PI4K2A: variants seen among roughly 807,000 people sequenced by gnomAD.
PI4K2A encodes phosphatidylinositol 4-kinase type 2 alpha.
PI4K2A carries 20 observed loss-of-function variants against 55.0 expected under a neutral mutation model. The observed-to-expected ratio is 0.36, with a 90% CI of 0.26 to 0.53. PI4K2A has a LOEUF of 0.53. Among genes scored for constraint, PI4K2A ranks in the 20% least tolerant of loss-of-function variants. The pLI is 0.91. For missense variants in PI4K2A, 463 were observed against 637.1 expected (o/e 0.73, Z 2.94); for synonymous variants, 235 against 258.5 (o/e 0.91, Z 0.87).
chr10:97,673,502 C>T, intron 8 of PI4K2A, 79 bp from the exon 9 acceptor site: 2 of 1,183,048 alleles, frequency 1.7e-6, no homozygotes, highest in Non-Finnish European at 2.4e-6. Context: ...TGTAGGCGTC[C>T]TCTCTACTGA....
At chr10:97,650,794 T>C (rs1012175242) in intron 1 of PI4K2A, 147 bp from the exon 2 acceptor site, 2 of 630,208 alleles carry the variant, frequency 3.2e-6, no homozygotes, top group East Asian at 5.4e-5. Flanking sequence ...GTCTTCCCCT[T>C]ACCAACTGGG....
chr10:97,653,916 CAA>C (rs112944042), intron 2 of PI4K2A, among the ~76,000 whole-genome samples: 1 of 147,566 alleles, frequency 6.8e-6, no homozygotes. Context: ...GACTCCGTCT[CAA>C]AAAAAAAAAA....
At chr10:97,665,741 C>G (rs556497649) in intron 6 of PI4K2A, among the ~76,000 whole-genome samples, 73 of 151,958 alleles carry the variant, frequency 4.8e-4, no homozygotes, top group African/African-American at 1.6e-3. Context: ...TACAGGCACC[C>G]GCCACCATGC....
chr10:97,658,573 A>G (rs1175476535), intron 4 of PI4K2A, among the ~76,000 whole-genome samples: 1 of 152,204 alleles, frequency 6.6e-6, no homozygotes, highest in African/African-American at 2.4e-5. Context: ...TTATTGGATC[A>G]TATATGGTAA....
intron 8 of PI4K2A, among the ~76,000 whole-genome samples, chr10:97,668,761 C>T (rs552056918): frequency 1.3e-5 from 2 of 152,242 alleles, no homozygotes; most frequent in South Asian, 2.1e-4. Flanking sequence ...ATCTTCTCAG[C>T]CTTAATTCTG....
At chr10:97,649,313 G>C (rs2041519149) in intron 1 of PI4K2A, among the ~76,000 whole-genome samples, 1 of 152,182 alleles carries the variant, frequency 6.6e-6, no homozygotes, top group South Asian at 2.1e-4. Flanking sequence ...CAACCTCAGA[G>C]GGCTGACTGG....
chr10:97,640,789 C>T (rs1231958652), exon 1 of PI4K2A: 2 of 1,490,440 alleles, frequency 1.3e-6, no homozygotes, highest in Non-Finnish European at 1.8e-6. Flanking sequence ...GCCCAACCCC[C>T]GGACTACACC....
chr10:97,653,654 C>T (rs1349848581), intron 2 of PI4K2A, among the ~76,000 whole-genome samples: 4 of 152,222 alleles, frequency 2.6e-5, no homozygotes, highest in Admixed American at 1.3e-4. Flanking sequence ...CATTGGCTCA[C>T]GCCTGTAATC....
At chr10:97,645,041 C>T (rs943047032) in intron 1 of PI4K2A, among the ~76,000 whole-genome samples, 5 of 152,120 alleles carry the variant, frequency 3.3e-5, no homozygotes, top group African/African-American at 9.7e-5. Flanking sequence ...CCCTCACTTA[C>T]CTCCTTGTGC....
chr10:97,673,842 C>A (rs1002078629), exon 9 of PI4K2A: 67 of 1,067,536 alleles, frequency 6.3e-5, no homozygotes, highest in Non-Finnish European at 9.0e-5. Flanking sequence ...AGAGCAGCAC[C>A]TTTAAGAGCC....
chr10:97,642,584 A>G (rs975980171), intron 1 of PI4K2A, among the ~76,000 whole-genome samples: 1 of 151,754 alleles, frequency 6.6e-6, no homozygotes, highest in South Asian at 2.1e-4. Flanking sequence ...TATTTTTAGT[A>G]GAGACCATGT....
chr10:97,663,857 C>G (rs1322322551), intron 5 of PI4K2A, among the ~76,000 whole-genome samples: 1 of 148,618 alleles, frequency 6.7e-6, no homozygotes, highest in East Asian at 2.0e-4. Flanking sequence ...GAGACAGGGT[C>G]TTGCTCTGTT....
chr10:97,643,053 G>C (rs1453334673), intron 1 of PI4K2A, among the ~76,000 whole-genome samples: 1 of 151,162 alleles, frequency 6.6e-6, no homozygotes, highest in Non-Finnish European at 1.5e-5. Context: ...CAGTGGTGCA[G>C]TCTCACTGCT....
chr10:97,657,022 G>C (rs1182251258), intron 4 of PI4K2A, 48 bp downstream of exon 4: 1 of 1,598,222 alleles, frequency 6.3e-7, no homozygotes, highest in Admixed American at 1.7e-5. Flanking sequence ...CTGTGTTGAG[G>C]CATGGGGAGG....
intron 1 of PI4K2A, among the ~76,000 whole-genome samples, chr10:97,644,148 C>T (rs1223971461): frequency 2.0e-5 from 3 of 152,086 alleles, no homozygotes; most frequent in Admixed American, 6.6e-5. Flanking sequence ...GTCAGGAGTT[C>T]GAGACCAGCC....
At chr10:97,653,375 A>T (rs2041538342) in intron 2 of PI4K2A, among the ~76,000 whole-genome samples, 1 of 152,230 alleles carries the variant, frequency 6.6e-6, no homozygotes, top group Non-Finnish European at 1.5e-5. Flanking sequence ...GGATATAAAT[A>T]GTTCCTACTT....
rs894417911 is a variant in PI4K2A, at chr10:97,664,470, C to T, written c.985-415C>T. The stretch of plus-strand genomic sequence containing the variant: ...TCTCACTGGAAAATGTAGTTGTCAC[C>T]AGTGAAGTAACATCTGAGTCAAGGT... On this transcript the variant is annotated intron_variant, in intron 5 of 8. Transcript: ENST00000370631. Among the ~76,000 whole-genome samples the T allele has an allele frequency of 3.3e-5, 5 of 152,326 alleles. 1 individual carries two copies. The South Asian group carries it at 1.0e-3, about 32-fold the overall frequency.
At chr10:97,665,974 T>A (rs2041608015) in intron 6 of PI4K2A, among the ~76,000 whole-genome samples, 1 of 152,216 alleles carries the variant, frequency 6.6e-6, no homozygotes, top group Non-Finnish European at 1.5e-5. Flanking sequence ...ATCTGAGGAC[T>A]GTCTTTCCAT....
chr10:97,673,652 T>C (rs1489316583), exon 9 of PI4K2A: 1 of 1,614,046 alleles, frequency 6.2e-7, no homozygotes, highest in Non-Finnish European at 8.5e-7. Context: ...CACCTGTGAT[T>C]GTCGAGACGG....
Sources: gnomAD v4.1 joint callset for allele counts (sites outside exome capture counted in the v4.1 genomes callset) on GRCh38, gnomAD v4.1.1 for gene constraint, MANE v1.5 for transcripts, NCBI Gene and HGNC (gene_info 2026-07-23, HGNC 2026-07-21) for gene names.